Variants in RIMS1 observed in about 807,000 individuals in gnomAD.
RIMS1 encodes the protein regulating synaptic membrane exocytosis 1.
RIMS1 carries 83 observed loss-of-function variants against 214.1 expected under a neutral mutation model. The observed-to-expected ratio is 0.39, with a 90% CI of 0.32 to 0.47. The LOEUF is 0.47. Among genes scored for constraint, RIMS1 ranks in the 20% least tolerant of loss-of-function variants. The probability of loss-of-function intolerance (pLI) is 0.99; values close to 1 mark genes in which losing one functional copy is unlikely to be tolerated. For synonymous variants in RIMS1, 793 were observed against 786.8 expected, an observed-to-expected ratio of 1.01 and a Z score of -0.13; for missense variants, 2,050 against 2,161.8, an observed-to-expected ratio of 0.95 and a Z score of 1.03.
chr6:72,326,026 T>A (rs1457314434), intron 28 of RIMS1, among the ~76,000 whole-genome samples: 2 of 151,892 alleles, frequency 1.3e-5, no homozygotes, highest in Non-Finnish European at 2.9e-5. Flanking sequence ...TTGATCCAGA[T>A]GTAAGTGTAG....
At chr6:72,318,932 G>C (rs2095988590) in intron 28 of RIMS1, among the ~76,000 whole-genome samples, 1 of 152,088 alleles carries the variant, frequency 6.6e-6, no homozygotes, top group Non-Finnish European at 1.5e-5. Context: ...TAATTACTAG[G>C]CATTTGGAAG....
At chr6:72,325,971 T>C (rs2096443530) in intron 28 of RIMS1, among the ~76,000 whole-genome samples, 2 of 151,862 alleles carry the variant, frequency 1.3e-5, no homozygotes, top group Admixed American at 1.3e-4. Flanking sequence ...TTCTTAATAT[T>C]GATCAACAAT....
At chr6:72,268,628 A>G (rs4529256) in intron 22 of RIMS1, among the ~76,000 whole-genome samples, 107,447 of 152,028 alleles carry the variant, frequency 0.71, 38,839 homozygotes, top group East Asian at 0.98. Flanking sequence ...TCCTGAAGGA[A>G]TTGAAAACCA....
chr6:71,889,758 C>A (rs559760909), intron 1 of RIMS1, among the ~76,000 whole-genome samples: 3 of 152,132 alleles, frequency 2.0e-5, no homozygotes, highest in South Asian at 4.1e-4. Context: ...AGATGGTGGC[C>A]TTTTTAAAAC....
chr6:72,374,747 T>G (rs1243180467), intron 29 of RIMS1, among the ~76,000 whole-genome samples: 1 of 152,158 alleles, frequency 6.6e-6, no homozygotes, highest in Non-Finnish European at 1.5e-5. Flanking sequence ...TAAAGTGCAT[T>G]ACTTTTATTA....
intron 29 of RIMS1, among the ~76,000 whole-genome samples, chr6:72,369,592 G>A (rs1015139523): frequency 5.9e-5 from 9 of 152,062 alleles, no homozygotes; most frequent in African/African-American, 2.2e-4. Context: ...TGCTCTTAAG[G>A]GCTTTCCACT....
At chr6:72,014,470 C>T (rs978207293) in intron 2 of RIMS1, among the ~76,000 whole-genome samples, 2 of 152,136 alleles carry the variant, frequency 1.3e-5, no homozygotes, top group Non-Finnish European at 2.9e-5. Context: ...GGATAATATT[C>T]CATTGTATGG....
chr6:72,199,175 G>C (rs1360902098), intron 6 of RIMS1, among the ~76,000 whole-genome samples: 2 of 152,016 alleles, frequency 1.3e-5, no homozygotes, highest in Non-Finnish European at 2.9e-5. Context: ...TGACATCATA[G>C]ACTTGTTAAA....
At chr6:72,222,174 T>A (rs1589500280) in intron 6 of RIMS1, among the ~76,000 whole-genome samples, 1 of 152,210 alleles carries the variant, frequency 6.6e-6, no homozygotes, top group South Asian at 2.1e-4. Flanking sequence ...TCAGATTTAG[T>A]GTTATTGAAT....
chr6:72,131,692 A>G (rs2040465867), intron 4 of RIMS1, among the ~76,000 whole-genome samples: 1 of 152,200 alleles, frequency 6.6e-6, no homozygotes, highest in Non-Finnish European at 1.5e-5. Context: ...CATTGATAAC[A>G]TCTTATCAGG....
At chr6:72,005,832 C>T (rs1214665258) in intron 2 of RIMS1, among the ~76,000 whole-genome samples, 1 of 152,200 alleles carries the variant, frequency 6.6e-6, no homozygotes, top group Admixed American at 6.5e-5. Context: ...AAATATGGTT[C>T]AGAAACCAAG....
chr6:71,984,503 C>T lies in RIMS1; in HGVS notation c.245+15440C>T, dbSNP rs558366134. The stretch of plus-strand genomic sequence containing the variant: ...TTTTTATCTGGCAATTTATAATTTA[C>T]AAGCCCTCAACACGTTAAACCTTAG... On this transcript the variant is annotated intron_variant, in intron 2 of 33. Transcript: ENST00000521978. 1.7e-4 allele frequency among the ~76,000 whole-genome samples: 26 copies of T among 152,246 alleles called. No homozygotes were observed. In the South Asian group the frequency reaches 5.4e-3, roughly 32 times the overall value.
At chr6:72,210,676 GC>G (rs2053652094) in intron 6 of RIMS1, among the ~76,000 whole-genome samples, 2 of 152,278 alleles carry the variant, frequency 1.3e-5, no homozygotes, top group South Asian at 2.1e-4. Context: ...AGTGATATTA[GC>G]TTTGATTATT....
chr6:72,150,292 G>A (rs1416707933), intron 4 of RIMS1, among the ~76,000 whole-genome samples: 2 of 152,154 alleles, frequency 1.3e-5, no homozygotes, highest in Non-Finnish European at 2.9e-5. Context: ...TATGTGAAGG[G>A]TGAGGATCAA....
At chr6:71,890,594 A>C (rs374207906) in intron 1 of RIMS1, among the ~76,000 whole-genome samples, 3 of 125,218 alleles carry the variant, frequency 2.4e-5, no homozygotes, top group Non-Finnish European at 3.5e-5. Context: ...AAAAAAAAAA[A>C]AAACTTCATA....
rs187614938 is a variant in RIMS1 at position 72,068,322 on chromosome 6, G to C, written c.246-28627G>C. On this transcript the variant is annotated intron_variant, in intron 2 of 33. Transcript: ENST00000521978. ...TTGATTTTCAGTTTACATGGTATGG[G>C]TAATTATTATGCAAAACAATTTGAA... 1.4e-3 allele frequency among the ~76,000 whole-genome samples: 214 copies of C among 151,908 alleles called. 2 individuals are homozygous for C. Among genetic ancestry groups the C allele is most frequent in the African/African-American group, 5.0e-3 (209 of 41,438 alleles).
At chr6:72,069,246 G>A (rs1830043569) in intron 2 of RIMS1, among the ~76,000 whole-genome samples, 1 of 152,166 alleles carries the variant, frequency 6.6e-6, no homozygotes, top group South Asian at 2.1e-4. Context: ...GTGGCACCTA[G>A]GTGCTTTGCT....
At chr6:72,154,026 T>C (rs543495020) in intron 4 of RIMS1, among the ~76,000 whole-genome samples, 1 of 152,148 alleles carries the variant, frequency 6.6e-6, no homozygotes, top group South Asian at 2.1e-4. Flanking sequence ...ATCTTGAATA[T>C]GCAAGTAATT....
intron 4 of RIMS1, among the ~76,000 whole-genome samples, chr6:72,167,659 C>CA (rs2046445199): frequency 6.6e-6 from 1 of 151,900 alleles, no homozygotes; most frequent in Non-Finnish European, 1.5e-5. Context: ...TTTTTTGCGT[C>CA]AGTTTTGGTA....
Sources: gnomAD v4.1 joint callset for allele counts (sites outside exome capture counted in the v4.1 genomes callset) on GRCh38, gnomAD v4.1.1 for gene constraint, MANE v1.5 for transcripts, NCBI Gene and HGNC (gene_info 2026-07-23, HGNC 2026-07-21) for gene names.